The following PCDHA6 variants were observed in gnomAD, a reference collection of about 807,000 sequenced individuals.
The protein encoded by PCDHA6 is protocadherin alpha 6, also known as protocadherin alpha-6.
Under a neutral mutation model 60.3 loss-of-function variants are expected in PCDHA6, and 55 were observed. The ratio of observed to expected loss-of-function variants is 0.91; its 90% CI spans 0.73 to 1.14. The LOEUF (loss-of-function observed/expected upper bound fraction) is 1.14, where lower values mean the gene tolerates loss of function less well. Among genes scored for constraint, PCDHA6 ranks in the 50% most tolerant of loss-of-function variants. The pLI is 0.00. For synonymous variants in PCDHA6, 652 were observed against 557.9 expected (o/e 1.17, Z -2.38); for missense variants, 1,327 against 1,256.5 (o/e 1.06, Z -0.85).
At chr5:140,972,754 CCCAAG>C (rs1290105832) in intron 1 of PCDHA6, among the ~76,000 whole-genome samples, 1 of 151,316 alleles carries the variant, frequency 6.6e-6, no homozygotes, top group African/African-American at 2.4e-5. Context: ...ACCTCCGCCT[CCCAAG>C]TTAAAGTGAT....
chr5:141,009,315 C>G (rs1292643535), intron 3 of PCDHA6, among the ~76,000 whole-genome samples: 2 of 152,132 alleles, frequency 1.3e-5, no homozygotes, highest in Admixed American at 6.6e-5. Context: ...AAAAGCTAGC[C>G]TGGCATGGGA....
At chr5:140,835,618 C>T (rs1562347401) in intron 1 of PCDHA6, 1 of 1,613,946 alleles carries the variant, frequency 6.2e-7, no homozygotes, top group South Asian at 1.1e-5. Context: ...CTGGACAGCG[C>T]TCTGGACCGC....
In PCDHA6 at chr5:141,011,214, T is replaced by C. The variant is rs2098419822; in HGVS notation, c.*1277T>C. On this transcript the variant is annotated 3_prime_UTR_variant, in exon 4 of 4. Transcript: ENST00000529310. ...ATTGTTTTCTCATACAGTGAGCAGA[T>C]TTTTCAATCTACTAATTCTGTGACT... 1 of 153,748 alleles carries C rather than the reference T, an allele frequency of 6.5e-6. No individual in the cohort carries two copies. Among genetic ancestry groups the C allele is most frequent in the African/African-American group, 2.4e-5 (1 of 41,448 alleles). The allele number at this position is 153,748 out of a possible 1,614,324, so 9.5% of individuals were successfully genotyped here. A position where few individuals can be genotyped will look rare whatever the true frequency, so the allele number is the denominator to read the frequency against.
intron 1 of PCDHA6, chr5:140,836,013 C>T: frequency 1.9e-6 from 3 of 1,613,378 alleles, no homozygotes; most frequent in Non-Finnish European, 2.5e-6. Flanking sequence ...GGGCGTGCCG[C>T]CTCTGGGCAG....
At chr5:140,964,844 A>G (rs2095857701) in intron 1 of PCDHA6, among the ~76,000 whole-genome samples, 1 of 152,160 alleles carries the variant, frequency 6.6e-6, no homozygotes, top group Admixed American at 6.5e-5. Flanking sequence ...CCTACTCTGT[A>G]CCCTTGAGGA....
At chr5:140,879,854 C>G (rs2058149387) in intron 1 of PCDHA6, among the ~76,000 whole-genome samples, 1 of 152,200 alleles carries the variant, frequency 6.6e-6, no homozygotes, top group African/African-American at 2.4e-5. Context: ...CCCATCTCAG[C>G]CTTCTCAGCT....
At chr5:140,973,449 C>CT (rs2096588066) in intron 1 of PCDHA6, among the ~76,000 whole-genome samples, 1 of 152,188 alleles carries the variant, frequency 6.6e-6, no homozygotes, top group African/African-American at 2.4e-5. Flanking sequence ...TTTATAATGA[C>CT]TGGGGCTGTT....
intron 1 of PCDHA6, among the ~76,000 whole-genome samples, chr5:140,922,557 CA>C (rs1214132732): frequency 3.2e-4 from 49 of 152,258 alleles, no homozygotes; most frequent in African/African-American, 1.1e-3. Context: ...GGAGAAAAGT[CA>C]GGATGACAAG....
At position 141,011,492 on chromosome 5, in the gene PCDHA6, A is replaced by T. The variant is rs2098420803; in HGVS notation, c.*1555A>T. On this transcript the variant is annotated 3_prime_UTR_variant, in exon 4 of 4. Coordinates refer to ENST00000529310, the MANE Select transcript of PCDHA6 (RefSeq NM_018909.4). ...AATTCCATTATATTTCCTTTTGTAC[A>T]CCTGTGAAAAAGTGGAGTAGTGTTT... The T allele has an allele frequency of 1.3e-5, 2 of 153,698 alleles. No individual in the cohort carries two copies. The highest frequency in any genetic ancestry group is 2.9e-5 in the Non-Finnish European group (2 of 68,026). 9.5% of individuals were successfully genotyped at this position (153,698 alleles called of 1,614,324 possible).
chr5:140,999,091 T>G (rs1342614556), intron 3 of PCDHA6, among the ~76,000 whole-genome samples: 1 of 152,208 alleles, frequency 6.6e-6, no homozygotes, highest in South Asian at 2.1e-4. Flanking sequence ...TTCAGAGGGC[T>G]ATGGAGAGTA....
intron 1 of PCDHA6, among the ~76,000 whole-genome samples, chr5:140,955,110 T>C (rs915501300): frequency 7.2e-5 from 11 of 152,274 alleles, no homozygotes; most frequent in African/African-American, 2.6e-4. Flanking sequence ...TTCTGAGTTC[T>C]CTATTCTGTT....
chr5:140,870,801 G>T (rs1210285882), intron 1 of PCDHA6: 6 of 1,613,670 alleles, frequency 3.7e-6, no homozygotes, highest in Non-Finnish European at 5.1e-6. Context: ...CACTGCTGGC[G>T]ACTCAGGCTG....
chr5:140,982,128 A>G (rs2153827578), intron 2 of PCDHA6, among the ~76,000 whole-genome samples: 1 of 152,384 alleles, frequency 6.6e-6, no homozygotes, highest in South Asian at 2.1e-4. Flanking sequence ...TTTTGAGAAC[A>G]AGCCCTCCTC....
At position 140,856,173 on chromosome 5, in the gene PCDHA6, C is replaced by A. The variant is rs782775861; in HGVS notation, c.2394+25688C>A. The stretch of plus-strand genomic sequence containing the variant: ...GTCTACGAGGAGGCCAGACACGGCA[C>A]CTTCGTGGGCCGCATCGCGCAGGAC... On this transcript the variant is annotated intron_variant, in intron 1 of 3. Coordinates refer to ENST00000529310, the MANE Select transcript of PCDHA6 (RefSeq NM_018909.4). The A allele has an allele frequency of 1.1e-5, 17 of 1,598,116 alleles. 1 individual carries two copies. The highest frequency in any genetic ancestry group is 3.4e-4 in the Middle Eastern group (2 of 5,954).
intron 1 of PCDHA6, chr5:140,858,432 G>A: frequency 6.5e-7 from 1 of 1,546,306 alleles, no homozygotes; most frequent in Admixed American, 1.9e-5. Flanking sequence ...GACCACTCTA[G>A]GAAGGTGGGT....
At chr5:141,003,424 G>A (rs1431935325) in intron 3 of PCDHA6, among the ~76,000 whole-genome samples, 1 of 152,122 alleles carries the variant, frequency 6.6e-6, no homozygotes, top group Non-Finnish European at 1.5e-5. Context: ...TGATTCTTAT[G>A]CCTCAGCCTC....
intron 1 of PCDHA6, chr5:140,857,495 G>T: frequency 6.3e-7 from 1 of 1,598,344 alleles, no homozygotes; most frequent in Non-Finnish European, 8.6e-7. Context: ...GGACGCGGAC[G>T]CGCAGGAGAA....
intron 1 of PCDHA6, among the ~76,000 whole-genome samples, chr5:140,949,544 T>C (rs981428881): frequency 5.3e-5 from 8 of 151,908 alleles, no homozygotes; most frequent in Non-Finnish European, 1.2e-4. Flanking sequence ...TATCGATTTG[T>C]TGCTGGTCAT....
At chr5:140,956,181 T>C (rs1351584707) in intron 1 of PCDHA6, among the ~76,000 whole-genome samples, 1 of 152,212 alleles carries the variant, frequency 6.6e-6, no homozygotes, top group South Asian at 2.1e-4. Flanking sequence ...CTTCCAATAC[T>C]ATGCTGAATA....
Sources: gnomAD v4.1 joint callset for allele counts (sites outside exome capture counted in the v4.1 genomes callset) on GRCh38, gnomAD v4.1.1 for gene constraint, MANE v1.5 for transcripts, NCBI Gene and HGNC (gene_info 2026-07-23, HGNC 2026-07-21) for gene names.